Variants in SPATA31F3 observed in about 807,000 individuals in gnomAD.
The protein encoded by SPATA31F3 is SPATA31 subfamily F member 3.
chr9:34,889,440 G>T, the SPATA31F3 span: 5 of 398,480 alleles, frequency 1.3e-5, no homozygotes, highest in Non-Finnish European at 2.2e-5. Flanking sequence ...GTCCTCTGTT[G>T]TCTTCTGTGT....
At chr9:34,890,729 C>G in the SPATA31F3 span, among the ~76,000 whole-genome samples, 3 of 152,286 alleles carry the variant, frequency 2.0e-5, no homozygotes, top group African/African-American at 2.4e-5. Context: ...CCTGGATTCC[C>G]TTGTTTTTAT....
At chr9:34,892,626 A>G in the SPATA31F3 span, 1 of 443,658 alleles carries the variant, frequency 2.3e-6, no homozygotes, top group East Asian at 3.3e-5. Context: ...GTTCAGGGAA[A>G]GAAAGGGAAT....
chr9:34,895,059 G>C, the SPATA31F3 span: 1 of 398,514 alleles, frequency 2.5e-6, no homozygotes, highest in Non-Finnish European at 4.4e-6. Flanking sequence ...TCTATCTCCA[G>C]ACTTTTGTTG....
chr9:34,892,224 G>T, the SPATA31F3 span, among the ~76,000 whole-genome samples: 2 of 152,138 alleles, frequency 1.3e-5, no homozygotes, highest in African/African-American at 4.8e-5. Context: ...ATGGGGTTTG[G>T]GATTTGTTCA....
chr9:34,895,529 A>C, the SPATA31F3 span: 11 of 398,364 alleles, frequency 2.8e-5, no homozygotes, highest in Admixed American at 1.8e-4. Context: ...TCGGGGATAA[A>C]ATCTTGTTTG....
the SPATA31F3 span, chr9:34,895,100 A>G: frequency 2.5e-6 from 1 of 398,598 alleles, no homozygotes; most frequent in Non-Finnish European, 4.4e-6. Context: ...AGACAAAAAC[A>G]TTAGAATGCA....
At chr9:34,893,804 A>G in the SPATA31F3 span, among the ~76,000 whole-genome samples, 14 of 152,104 alleles carry the variant, frequency 9.2e-5, no homozygotes, top group Non-Finnish European at 1.8e-4. Context: ...CGGTTAGCTG[A>G]TGGGGCATCA....
At chr9:34,895,188 A>G in the SPATA31F3 span, 4 of 397,708 alleles carry the variant, frequency 1.0e-5, no homozygotes, top group South Asian at 5.3e-4. Context: ...TCTGTGTTCC[A>G]ATTTTATATA....
the SPATA31F3 span, among the ~76,000 whole-genome samples, chr9:34,894,722 G>A: frequency 1.1e-4 from 17 of 152,306 alleles, no homozygotes; most frequent in South Asian, 3.3e-3. Flanking sequence ...ATCATCACAT[G>A]CCCATTTTAT....
chr9:34,893,993 A>G, the SPATA31F3 span, among the ~76,000 whole-genome samples: 1 of 152,198 alleles, frequency 6.6e-6, no homozygotes, highest in Non-Finnish European at 1.5e-5. Flanking sequence ...GGATAAGATG[A>G]TAGGCTGCCA....
chr9:34,892,404 T>A, the SPATA31F3 span, among the ~76,000 whole-genome samples: 1 of 152,196 alleles, frequency 6.6e-6, no homozygotes, highest in East Asian at 1.9e-4. Flanking sequence ...TTTGTCTGTC[T>A]GTTTTCCATC....
chr9:34,889,202 T>C, the SPATA31F3 span: 1 of 398,638 alleles, frequency 2.5e-6, no homozygotes, highest in Non-Finnish European at 4.4e-6. Flanking sequence ...TGATGGGTAT[T>C]CTTGCATAAA....
At chr9:34,895,046 T>C in the SPATA31F3 span, 1 of 398,556 alleles carries the variant, frequency 2.5e-6, no homozygotes, top group Non-Finnish European at 4.4e-6. Flanking sequence ...TACCTCTTGA[T>C]GTTCTATCTC....
chr9:34,895,589 C>T, the SPATA31F3 span: 1 of 398,852 alleles, frequency 2.5e-6, no homozygotes. Context: ...CCGGCAACAG[C>T]TCCTGTTAGG....
the SPATA31F3 span, among the ~76,000 whole-genome samples, chr9:34,893,550 G>A: frequency 6.6e-6 from 1 of 151,692 alleles, no homozygotes; most frequent in East Asian, 1.9e-4. Context: ...GCAGTGAGCC[G>A]AGATTGTGCC....
At chr9:34,893,219 C>A in the SPATA31F3 span, 1 of 456,604 alleles carries the variant, frequency 2.2e-6, no homozygotes, top group Non-Finnish European at 3.9e-6. Context: ...AAGTGTGGGC[C>A]GGGGTTGGCA....
the SPATA31F3 span, chr9:34,894,554 A>T: frequency 2.5e-6 from 1 of 398,446 alleles, no homozygotes; most frequent in Admixed American, 4.4e-5. Context: ...GGATTCAGGG[A>T]CATCCTATAA....
At chr9:34,891,120 A>G in the SPATA31F3 span, among the ~76,000 whole-genome samples, 1 of 152,198 alleles carries the variant, frequency 6.6e-6, no homozygotes, top group African/African-American at 2.4e-5. Context: ...GCTTCCTGGG[A>G]CAGGGTCTGG....
chr9:34,892,702 C>T, the SPATA31F3 span: 1 of 470,598 alleles, frequency 2.1e-6, no homozygotes, highest in African/African-American at 2.0e-5. Flanking sequence ...TCGTCCTCTC[C>T]TGCTGGCTCA....
Sources: allele counts gnomAD v4.1 joint callset (sites outside exome capture counted in the v4.1 genomes callset), GRCh38; gene constraint gnomAD v4.1.1; transcripts MANE v1.5; gene names NCBI Gene and HGNC (gene_info 2026-07-23, HGNC 2026-07-21).